The following EEF1AKMT2 variants were observed in gnomAD, a reference collection of about 807,000 sequenced individuals.
EEF1AKMT2 encodes the protein EEF1A lysine methyltransferase 2, also known as eukaryotic translation elongation factor 1 alpha lysine methyltransferase 2.
In EEF1AKMT2, 32 loss-of-function variants were observed where a neutral mutation model predicts 35.8. The observed-to-expected ratio is 0.89, with a 90% confidence interval of 0.67 to 1.20. The LOEUF (loss-of-function observed/expected upper bound fraction) is 1.20. Ranked by LOEUF, EEF1AKMT2 falls within the 50% of genes most tolerant of loss-of-function variation. The pLI, the probability that EEF1AKMT2 is intolerant of heterozygous loss-of-function variation, is 0.00. For missense variants in EEF1AKMT2, 330 were observed against 347.5 expected, an observed-to-expected ratio of 0.95 and a Z score of 0.40; for synonymous variants, 121 against 133.7, an observed-to-expected ratio of 0.91 and a Z score of 0.65.
At chr10:124,785,997 C>T (rs76075559) in intron 3 of EEF1AKMT2, among the ~76,000 whole-genome samples, 7,703 of 151,222 alleles carry the variant, frequency 0.051, 632 homozygotes, top group African/African-American at 0.17. Flanking sequence ...AAATTAAAAC[C>T]GTAAGAAGCT....
At chr10:124,775,116 T>C (rs933628180) in intron 3 of EEF1AKMT2, among the ~76,000 whole-genome samples, 5 of 152,168 alleles carry the variant, frequency 3.3e-5, no homozygotes, top group African/African-American at 9.7e-5. Context: ...ACACATAAAT[T>C]TGTCATATAT....
intron 1 of EEF1AKMT2, among the ~76,000 whole-genome samples, chr10:124,791,237 T>C (rs541654398): frequency 9.9e-5 from 15 of 151,994 alleles, no homozygotes; most frequent in African/African-American, 1.4e-4. Flanking sequence ...ATCGCTTTCT[T>C]TCACCCCAAG....
At chr10:124,787,706 AG>A (rs1484560908) in intron 3 of EEF1AKMT2, among the ~76,000 whole-genome samples, 1 of 151,874 alleles carries the variant, frequency 6.6e-6, no homozygotes, top group Non-Finnish European at 1.5e-5. Flanking sequence ...TGATCTCACC[AG>A]TGCACTCCTA....
chr10:124,772,414 CTTTT>C (rs1249990366), intron 4 of EEF1AKMT2, among the ~76,000 whole-genome samples: 4 of 116,116 alleles, frequency 3.4e-5, no homozygotes, highest in Admixed American at 9.9e-5. Flanking sequence ...GGCTTCTTTT[CTTTT>C]TCTTTTTTTT....
At chr10:124,764,592 T>C (rs1950360892) in intron 5 of EEF1AKMT2, among the ~76,000 whole-genome samples, 1 of 152,252 alleles carries the variant, frequency 6.6e-6, no homozygotes, top group South Asian at 2.1e-4. Flanking sequence ...TAGAATCTTC[T>C]ATCAATTCCC....
rs2134118257 is a variant in EEF1AKMT2, at chr10:124,761,064, C to T, written c.*-561G>A. 1.3e-5 allele frequency among the ~76,000 whole-genome samples: 2 copies of T among 152,286 alleles called. 1 individual carries two copies. The highest frequency in any genetic ancestry group is 6.8e-3 in the Middle Eastern group (2 of 294). On this transcript the variant is annotated intron_variant, in intron 6 of 6. Transcript: ENST00000368836. ...TCATATTTTAGTAGAGACAGGGTTT[C>T]GCCATGTTGGCCAGGCTGGTCTGGA...
chr10:124,776,901 C>T (rs1197344030), intron 3 of EEF1AKMT2, among the ~76,000 whole-genome samples: 1 of 150,200 alleles, frequency 6.7e-6, no homozygotes, highest in Non-Finnish European at 1.5e-5. Flanking sequence ...AAAAAAAAAT[C>T]AGCAAAGAAC....
At chr10:124,771,306 A>T (rs192697284) in intron 4 of EEF1AKMT2, among the ~76,000 whole-genome samples, 1 of 151,582 alleles carries the variant, frequency 6.6e-6, no homozygotes, top group Non-Finnish European at 1.5e-5. Flanking sequence ...TCACCATGTT[A>T]GCCAGGATGG....
At chr10:124,771,161 T>G (rs964272161) in intron 4 of EEF1AKMT2, among the ~76,000 whole-genome samples, 11 of 151,960 alleles carry the variant, frequency 7.2e-5, no homozygotes, top group Non-Finnish European at 1.3e-4. Context: ...GTGCAGCGGC[T>G]AGATCTCAGC....
At chr10:124,780,294 C>T (rs565595715) in intron 3 of EEF1AKMT2, among the ~76,000 whole-genome samples, 8 of 152,162 alleles carry the variant, frequency 5.3e-5, no homozygotes, top group African/African-American at 1.9e-4. Flanking sequence ...TAATTTCCAA[C>T]GTACAGACAA....
At chr10:124,765,927 T>C in intron 4 of EEF1AKMT2, 1 of 189,560 alleles carries the variant, frequency 5.3e-6, no homozygotes, top group Non-Finnish European at 1.1e-5. Context: ...ATGAAAAACC[T>C]GTTTCTGTCA....
intron 3 of EEF1AKMT2, among the ~76,000 whole-genome samples, chr10:124,783,566 C>G (rs1027502063): frequency 4.6e-5 from 7 of 152,180 alleles, no homozygotes; most frequent in African/African-American, 1.7e-4. Flanking sequence ...GCTTAACTGG[C>G]GTATGACCCA....
At chr10:124,781,968 C>T (rs1950543788) in intron 3 of EEF1AKMT2, among the ~76,000 whole-genome samples, 1 of 152,164 alleles carries the variant, frequency 6.6e-6, no homozygotes, top group Non-Finnish European at 1.5e-5. Context: ...TCACATTCCA[C>T]TTATAGTGGT....
At chr10:124,781,572 CAG>C (rs1172880269) in intron 3 of EEF1AKMT2, among the ~76,000 whole-genome samples, 1 of 123,390 alleles carries the variant, frequency 8.1e-6, no homozygotes, top group Non-Finnish European at 1.6e-5. Context: ...GCCTGGGTGA[CAG>C]AGTGAGACTG....
intron 3 of EEF1AKMT2, among the ~76,000 whole-genome samples, chr10:124,779,536 G>A (rs1449363220): frequency 6.6e-6 from 1 of 151,540 alleles, no homozygotes; most frequent in Non-Finnish European, 1.5e-5. Flanking sequence ...CACGAGGTCA[G>A]GAGATCGAGA....
chr10:124,758,930 C>T lies in EEF1AKMT2; in HGVS notation c.*1573G>A, dbSNP rs1329145816. 6.6e-6 allele frequency: 1 copy of T among 151,880 alleles called. No homozygotes were observed. The highest frequency in any genetic ancestry group is 2.4e-5 in the African/African-American group (1 of 41,334). 9.4% of individuals were successfully genotyped at this position (151,880 alleles called of 1,614,324 possible). A position where few individuals can be genotyped will look rare whatever the true frequency, so the allele number is the denominator to read the frequency against. The stretch of plus-strand genomic sequence containing the variant: ...AAAAATGTTATTTTTGTTGACAGTC[C>T]ACATACATGTCTTCAACTATCTTGT... On this transcript the variant is annotated 3_prime_UTR_variant, in exon 7 of 7. Transcript: ENST00000368836.
At chr10:124,784,864 G>C (rs1408546582) in intron 3 of EEF1AKMT2, among the ~76,000 whole-genome samples, 1 of 150,082 alleles carries the variant, frequency 6.7e-6, no homozygotes, top group East Asian at 2.0e-4. Context: ...CCCAAAGGCA[G>C]AGGTTGAAGT....
At chr10:124,764,694 G>A (rs138736604) in intron 5 of EEF1AKMT2, among the ~76,000 whole-genome samples, 32 of 152,270 alleles carry the variant, frequency 2.1e-4, no homozygotes, top group Non-Finnish European at 4.3e-4. Flanking sequence ...CTAAATGACC[G>A]CTAGTGCAAG....
chr10:124,778,847 A>T (rs1564906836), intron 3 of EEF1AKMT2, among the ~76,000 whole-genome samples: 1 of 152,208 alleles, frequency 6.6e-6, no homozygotes, highest in East Asian at 1.9e-4. Flanking sequence ...AATAAGTGAT[A>T]AAGAATGGAA....
Sources: gnomAD v4.1 joint callset for allele counts (sites outside exome capture counted in the v4.1 genomes callset) on GRCh38, gnomAD v4.1.1 for gene constraint, MANE v1.5 for transcripts, NCBI Gene and HGNC (gene_info 2026-07-23, HGNC 2026-07-21) for gene names.